ZPR1: variants seen among roughly 807,000 people sequenced by gnomAD.
ZPR1 encodes the protein ZPR1 zinc finger, also known as zinc finger protein ZPR1.
ZPR1 carries 37 observed loss-of-function variants against 59.6 expected under a neutral mutation model. The observed-to-expected ratio is 0.62, with a 90% CI of 0.48 to 0.82. The LOEUF (loss-of-function observed/expected upper bound fraction) is 0.82, where lower values mean the gene tolerates loss of function less well. Ranked by LOEUF, ZPR1 falls within the 40% of genes least tolerant of loss-of-function variation. The probability of loss-of-function intolerance (pLI) is 0.00; values close to 1 mark genes in which losing one functional copy is unlikely to be tolerated. For missense variants in ZPR1, 527 were observed against 579.9 expected (o/e 0.91, Z 0.94); for synonymous variants, 191 against 215.2 (o/e 0.89, Z 0.99).
chr11:116,775,625 CTCAAAAAAAAAAAAAAAA>C lies in ZPR1; in HGVS notation c.*3282_*3299del, dbSNP rs1173408723. 1.5e-5 allele frequency: 1 copy of C among 67,290 alleles called. No homozygotes were observed. Among genetic ancestry groups the C allele is most frequent in the African/African-American group, 6.5e-5 (1 of 15,438 alleles). The allele number at this position is 67,290 out of a possible 1,614,324, so 4.2% of individuals were successfully genotyped here. ...TCTGGGCAACAGAGTGAGACTCCGT[CTCAAAAAAAAAAAAAAAA>C]AAAAAAAAAAAAAAAAAAAGCTCTG... On this transcript the variant is annotated 3_prime_UTR_variant, in exon 14 of 14. Transcript: ENST00000227322.
chr11:116,785,196 C>T (rs752207375), intron 6 of ZPR1, 50 bp from the exon 7 acceptor site: 1 of 1,598,816 alleles, frequency 6.3e-7, no homozygotes, highest in Non-Finnish European at 8.6e-7. Flanking sequence ...ACCTCAGTGT[C>T]CCCAACACCC....
At chr11:116,785,219 G>A (rs1257465205) in intron 6 of ZPR1, 73 bp from the exon 7 acceptor site, 15 of 1,548,962 alleles carry the variant, frequency 9.7e-6, no homozygotes, top group Middle Eastern at 1.9e-4. Context: ...CCCTGGAGTG[G>A]GAGAAATGCT....
Position 116,784,876 on chromosome 11 carries a change from G to A in ZPR1, c.799C>T (p.Gln267Ter), listed in dbSNP as rs1395138572. The A allele has an allele frequency of 1.4e-5, 23 of 1,614,210 alleles. No homozygotes were observed. Among genetic ancestry groups the A allele is most frequent in the Non-Finnish European group, 1.9e-5 (22 of 1,180,044 alleles). ...ATACGTACTAGCTTCATGTTGGTCT[G>A]AGCGGGGGCATTGCATTCTGGGCAG... ...TNCPECNAPAQTNMKLVQIPH... is the reference protein window; with the variant it reads ...TNCPECNAPA The change falls in exon 8 of 14, where the codon CAG becomes TAG. Residue 267 changes from glutamine to a stop codon, truncating the protein, a stop_gained. Transcript: ENST00000227322. LOFTEE classifies it high-confidence loss of function.
In ZPR1 at chr11:116,786,827, T is replaced by C. The variant is rs1040867668; in HGVS notation, c.424+142A>G. 3.9e-6 allele frequency: 3 copies of C among 771,034 alleles called. No homozygotes were observed. In the Admixed American group the frequency reaches 6.0e-5, roughly 15 times the overall value. 47.8% of individuals were successfully genotyped at this position (771,034 alleles called of 1,614,324 possible). A position where few individuals can be genotyped will look rare whatever the true frequency, so the allele number is the denominator to read the frequency against. Reference sequence around the variant, plus strand: ...CTGTTTTACCTAAGCTTTCCACTCATGATTAACTAATGAAGATCACAATGA... The same window carrying C: ...CTGTTTTACCTAAGCTTTCCACTCACGATTAACTAATGAAGATCACAATGA... On this transcript the variant is annotated intron_variant, in intron 3 of 13. Transcript: ENST00000227322.
At chr11:116,783,787 G>A (rs1042318769) in intron 9 of ZPR1, among the ~76,000 whole-genome samples, 168 bp from the exon 10 acceptor site, 4 of 150,958 alleles carry the variant, frequency 2.6e-5, no homozygotes, top group African/African-American at 7.3e-5. Context: ...CCAAGAGCTG[G>A]CCAGGAACAG....
rs769995830 is a variant in ZPR1, at chr11:116,785,104, T to G, written c.748A>C (p.Asn250His). 3 of 1,614,118 alleles carry G rather than the reference T, an allele frequency of 1.9e-6. No homozygotes were observed. The highest frequency in any genetic ancestry group is 2.2e-5 in the South Asian group (2 of 91,082). ...AEKPEEEDLR[N>H]EVLQFSTNCP... ...CAGTAGCCAATGTGACTCACTTCAT[T>G]TCTGAGATCTTCCTCTTCTGGCTTC... Residue 250 changes from asparagine to histidine, a missense_variant, in exon 7 of 14, where the codon AAT (asparagine) becomes CAT (histidine). Coordinates refer to ENST00000227322, the MANE Select transcript of ZPR1 (RefSeq NM_003904.5).
chr11:116,788,010 G>T lies in ZPR1; in HGVS notation c.-20C>A. 7.1e-7 allele frequency: 1 copy of T among 1,416,322 alleles called. No individual in the cohort carries two copies. The highest frequency in any genetic ancestry group is 1.5e-5 in the South Asian group (1 of 64,888). 87.7% of individuals were successfully genotyped at this position (1,416,322 alleles called of 1,614,324 possible). A position where few individuals can be genotyped will look rare whatever the true frequency, so the allele number is the denominator to read the frequency against. ...CGCCATGGCCACCACGCGCAATTCA[G>T]ACCTCGGCTTCCTACTTCCGCCGCT... On this transcript the variant is annotated 5_prime_UTR_variant, in exon 1 of 14. In the 5' UTR this introduces an upstream ATG that the reference lacks. Coordinates refer to ENST00000227322, the MANE Select transcript of ZPR1 (RefSeq NM_003904.5).
intron 12 of ZPR1, among the ~76,000 whole-genome samples, chr11:116,780,176 G>C (rs181289983): frequency 1.1e-3 from 166 of 151,350 alleles, no homozygotes; most frequent in African/African-American, 4.0e-3. Context: ...TTTAAGAATT[G>C]GTGAAATTAG....
At chr11:116,779,873 C>A in intron 12 of ZPR1, 36 bp from the exon 13 acceptor site, 1 of 1,274,042 alleles carries the variant, frequency 7.8e-7, no homozygotes, top group Non-Finnish European at 1.1e-6. Flanking sequence ...GTAAATTTTA[C>A]ATAACCCCTG....
chr11:116,785,508 A>T lies in ZPR1; in HGVS notation c.705+6T>A, dbSNP rs771991501. 8.1e-6 allele frequency: 13 copies of T among 1,613,582 alleles called. No homozygotes were observed. The highest frequency in any genetic ancestry group is 8.5e-7 in the Non-Finnish European group (1 of 1,179,934). On this transcript the variant is annotated splice_donor_region_variant and intron_variant, in intron 6 of 13. Transcript: ENST00000227322. Reference sequence around the variant, plus strand: ...AGCATTCTTCTGGATCCTTCAGTCCACTTACTTGAAGCCCCAGCATCTCTT... The same window carrying T: ...AGCATTCTTCTGGATCCTTCAGTCCTCTTACTTGAAGCCCCAGCATCTCTT...
intron 8 of ZPR1, 43 bp from the exon 9 acceptor site, chr11:116,784,491 A>G: frequency 6.3e-7 from 1 of 1,581,142 alleles, no homozygotes; most frequent in South Asian, 1.1e-5. Flanking sequence ...GGCGAACAAG[A>G]CCACCATCTG....
intron 5 of ZPR1, 33 bp downstream of exon 5, chr11:116,785,762 TA>T: frequency 6.2e-7 from 1 of 1,612,676 alleles, no homozygotes; most frequent in Middle Eastern, 1.7e-4. Flanking sequence ...CCTCCTCCCC[TA>T]ATCAAGGGCA....
At position 116,778,958 on chromosome 11, in the gene ZPR1, C is replaced by T. The variant is rs1307548725; in HGVS notation, c.1347G>A (p.Glu449=). 5.0e-6 allele frequency: 8 copies of T among 1,614,048 alleles called. No individual in the cohort carries two copies. The African/African-American group carries it at 1.1e-4, about 22-fold the overall frequency. Residue 449 remains glutamate, a synonymous_variant, in exon 14 of 14, where the codon GAG becomes GAA. Coordinates refer to ENST00000227322, the MANE Select transcript of ZPR1 (RefSeq NM_003904.5). ...EELGLNDMKT[E]GYEAGLAPQR ...GCGGAGCCAGGCCTGCCTCATAGCC[C>T]TCTGTCTTCATGTCATTGAGCCCTA... is the stretch of plus-strand genomic sequence containing the variant.
At position 116,776,635 on chromosome 11, in the gene ZPR1, A is replaced by G. The variant is rs1940728404; in HGVS notation, c.*2290T>C. On this transcript the variant is annotated 3_prime_UTR_variant, in exon 14 of 14. Transcript: ENST00000227322. ...TCTGGCACCTGGTCCTCAGTCTTCA[A>G]GTTCAGAAACTCAGGTCATCATTTC... is the stretch of plus-strand genomic sequence containing the variant. 6.6e-6 allele frequency: 1 copy of G among 152,260 alleles called. No individual in the cohort carries two copies. The highest frequency in any genetic ancestry group is 6.5e-5 in the Admixed American group (1 of 15,280). 9.4% of individuals were successfully genotyped at this position (152,260 alleles called of 1,614,324 possible).
In ZPR1 at chr11:116,787,911, G is replaced by T; in HGVS notation, c.80C>A (p.Ala27Asp). The T allele has an allele frequency of 6.6e-7, 1 of 1,518,896 alleles. No homozygotes were observed. Among genetic ancestry groups the T allele is most frequent in the Non-Finnish European group, 8.8e-7 (1 of 1,138,130 alleles). 94.1% of individuals were successfully genotyped at this position (1,518,896 alleles called of 1,614,324 possible). ...GATGGGCCGGAACAGGTGATCAGGG[G>T]CAGGCGGCGGGGCCGGGGCGGGCGA... Reference protein sequence around the residue: ...APSPAPAPPPAPDHLFRPISA... With the variant: ...APSPAPAPPPDPDHLFRPISA... Residue 27 changes from alanine to aspartate, a missense_variant, in exon 1 of 14, where the codon GCC becomes GAC. Transcript: ENST00000227322.
chr11:116,787,722 G>C, intron 1 of ZPR1, 79 bp from the exon 2 acceptor site: 2 of 1,538,464 alleles, frequency 1.3e-6, no homozygotes, highest in Non-Finnish European at 1.8e-6. Flanking sequence ...GGCGCTCCTC[G>C]GGGTCCCCGG....
chr11:116,782,200 T>C lies in ZPR1; in HGVS notation c.1137A>G (p.Gly379=), dbSNP rs768559358. ...TAAACTCCTGTAGTCTCTCCGTCTG[T>C]CCAGGATTGGAACTGTCGCCCAGTG... The part of the protein sequence containing the change: ...PFTLGDSSNP[G]QTERLQEFSQ... Residue 379 remains glycine, a synonymous_variant, in exon 12 of 14, where the codon GGA becomes GGG. Transcript: ENST00000227322. 63 of 1,614,046 alleles carry C rather than the reference T, an allele frequency of 3.9e-5. No individual in the cohort carries two copies. The highest frequency in any genetic ancestry group is 1.6e-4 in the Middle Eastern group (1 of 6,084).
chr11:116,781,929 A>G (rs866575180), intron 12 of ZPR1, among the ~76,000 whole-genome samples: 3 of 151,738 alleles, frequency 2.0e-5, no homozygotes, highest in Non-Finnish European at 4.4e-5. Context: ...GCAGAATCGC[A>G]TGAACCCGGG....
chr11:116,787,363 A>G, intron 2 of ZPR1, 119 bp downstream of exon 2: 2 of 1,091,142 alleles, frequency 1.8e-6, no homozygotes, highest in Admixed American at 5.2e-5. Flanking sequence ...TACAAAAGAA[A>G]CTAAGGCTAG....
Sources: gnomAD v4.1 joint callset for allele counts (sites outside exome capture counted in the v4.1 genomes callset) on GRCh38, gnomAD v4.1.1 for gene constraint, MANE v1.5 for transcripts, NCBI Gene and HGNC (gene_info 2026-07-23, HGNC 2026-07-21) for gene names.